The following CDC42BPA variants were observed in gnomAD, a reference collection of about 807,000 sequenced individuals.
The protein encoded by CDC42BPA is CDC42 binding protein kinase alpha.
CDC42BPA carries 80 observed loss-of-function variants against 223.5 expected under a neutral mutation model. That is an observed-to-expected ratio of 0.36 (90% CI 0.30 to 0.43). CDC42BPA has a LOEUF of 0.43. CDC42BPA is among the 20% of genes least tolerant of loss of function. CDC42BPA has a pLI of 1.00. For synonymous variants in CDC42BPA, 694 were observed against 718.6 expected (o/e 0.97, Z 0.55); for missense variants, 1,743 against 2,099.9 (o/e 0.83, Z 3.32).
intron 19 of CDC42BPA, among the ~76,000 whole-genome samples, chr1:227,072,641 A>T (rs1386382718): frequency 6.6e-6 from 1 of 152,030 alleles, no homozygotes; most frequent in Non-Finnish European, 1.5e-5. Flanking sequence ...TAAATTATTA[A>T]ATTTAAAAAT....
At position 227,048,030 on chromosome 1, in the gene CDC42BPA, A is replaced by T. The variant is rs964443317; in HGVS notation, c.3010-20T>A. The T allele has an allele frequency of 1.3e-6, 2 of 1,485,254 alleles. No individual in the cohort carries two copies. Among genetic ancestry groups the T allele is most frequent in the Non-Finnish European group, 1.9e-6 (2 of 1,073,216 alleles). 92.0% of individuals were successfully genotyped at this position (1,485,254 alleles called of 1,614,324 possible). On this transcript the variant is annotated intron_variant, in intron 22 of 36. Transcript: ENST00000366766. ...TACAGTCTGAACCCAGGAGCAAAAA[A>T]GGAAATAAATGTCATGAAACACTCC...
In CDC42BPA at chr1:227,011,904, A is replaced by G. The variant is rs577098214; in HGVS notation, c.4857+4176T>C. Among the ~76,000 whole-genome samples the G allele has an allele frequency of 9.9e-5, 15 of 152,284 alleles. No individual in the cohort carries two copies. The East Asian group carries it at 2.3e-3, about 24-fold the overall frequency. The stretch of plus-strand genomic sequence containing the variant: ...AACATGATCCCTTCATTAGAGGCAG[A>G]GGGTGAATGGCGTGTTGGAGAGAGT... On this transcript the variant is annotated intron_variant, in intron 34 of 36. Coordinates refer to ENST00000366766, the MANE Select transcript of CDC42BPA (RefSeq NM_001394014.1).
intron 6 of CDC42BPA, among the ~76,000 whole-genome samples, chr1:227,160,205 T>C (rs532830912): frequency 6.6e-6 from 1 of 152,326 alleles, no homozygotes; most frequent in East Asian, 1.9e-4. Context: ...GTTTTCTTTT[T>C]CTATGTGAGA....
At position 226,999,913 on chromosome 1, in the gene CDC42BPA, C is replaced by T. The variant is rs1015627593; in HGVS notation, c.4976-4933G>A. 4.4e-5 allele frequency among the ~76,000 whole-genome samples: 6 copies of T among 135,348 alleles called. No individual in the cohort carries two copies. In the South Asian group the frequency reaches 1.4e-3, roughly 31 times the overall value. The allele number at this position is 135,348 out of a possible 152,430, so 88.8% of individuals were successfully genotyped here. A position where few individuals can be genotyped will look rare whatever the true frequency, so the allele number is the denominator to read the frequency against. On this transcript the variant is annotated intron_variant, in intron 35 of 36. Transcript: ENST00000366766. The stretch of plus-strand genomic sequence containing the variant: ...GAGTTGAACAATGAGAATACCCAGA[C>T]ACAGGGAGGGGAATATCACACACTG...
chr1:227,124,574 GGAAA>G lies in CDC42BPA; in HGVS notation c.1513+4531_1513+4534del, dbSNP rs1045268319. Among the ~76,000 whole-genome samples the G allele has an allele frequency of 6.6e-5, 10 of 152,068 alleles. No individual in the cohort carries two copies. The East Asian group carries it at 7.7e-4, about 12-fold the overall frequency. On this transcript the variant is annotated intron_variant, in intron 11 of 36. Transcript: ENST00000366766. ...TTTGTATTTTTTTAAAAAAAGGGAA[GGAAA>G]GAAAGAAAGGGTAGGAAAAAAACAG...
chr1:227,198,147 A>G (rs978432163), intron 4 of CDC42BPA, among the ~76,000 whole-genome samples: 10 of 152,038 alleles, frequency 6.6e-5, no homozygotes, highest in Non-Finnish European at 1.5e-4. Flanking sequence ...TATTCTATTT[A>G]ATCTTTAAAA....
At chr1:227,192,035 G>A (rs1319763222) in intron 5 of CDC42BPA, among the ~76,000 whole-genome samples, 1 of 150,856 alleles carries the variant, frequency 6.6e-6, no homozygotes, top group East Asian at 1.9e-4. Context: ...AATAAAAACT[G>A]TGACAATCAG....
chr1:227,307,794 AATGAACAACAC>A (rs2148794145), intron 1 of CDC42BPA, among the ~76,000 whole-genome samples: 1 of 152,296 alleles, frequency 6.6e-6, no homozygotes, highest in Non-Finnish European at 1.5e-5. Flanking sequence ...AAAAGTCCTA[AATGAACAACAC>A]ATCAATAATT....
At chr1:227,127,095 AT>A in intron 11 of CDC42BPA, among the ~76,000 whole-genome samples, 1 of 152,326 alleles carries the variant, frequency 6.6e-6, no homozygotes, top group South Asian at 2.1e-4. Context: ...AAATAAACAT[AT>A]AAAAATCAAC....
At position 227,029,243 on chromosome 1, in the gene CDC42BPA, A is replaced by AAT; in HGVS notation, c.3844_3845dup (p.Arg1283LeufsTer23). 1 of 1,550,634 alleles carries AAT rather than the reference A, an allele frequency of 6.4e-7. No homozygotes were observed. The highest frequency in any genetic ancestry group is 8.7e-7 in the Non-Finnish European group (1 of 1,143,698). On this transcript the variant is annotated frameshift_variant, in exon 30 of 37. Transcript: ENST00000366766. LOFTEE classifies it high-confidence loss of function. ...GAATCTTCTTATTGTCACCAACTCT[A>AAT]ATAATTTCTAAACACAGAAAGAATA...
chr1:227,019,205 GTTC>G (rs1360997239), intron 32 of CDC42BPA, among the ~76,000 whole-genome samples: 2 of 152,018 alleles, frequency 1.3e-5, no homozygotes, highest in Non-Finnish European at 2.9e-5. Context: ...TTTCAACAAT[GTTC>G]TTAACATCTT....
intron 2 of CDC42BPA, among the ~76,000 whole-genome samples, chr1:227,222,143 G>A (rs1313991096): frequency 1.3e-5 from 2 of 151,838 alleles, no homozygotes; most frequent in Non-Finnish European, 2.9e-5. Flanking sequence ...TGAGATGGGA[G>A]CTTGGTCAAG....
intron 34 of CDC42BPA, among the ~76,000 whole-genome samples, chr1:227,013,711 G>C (rs1330747820): frequency 6.6e-6 from 1 of 151,942 alleles, no homozygotes; most frequent in African/African-American, 2.4e-5. Context: ...TCTTTTCTGT[G>C]TAAAATGAAA....
intron 1 of CDC42BPA, among the ~76,000 whole-genome samples, chr1:227,259,049 A>T (rs1176542431): frequency 6.6e-6 from 1 of 151,142 alleles, no homozygotes; most frequent in African/African-American, 2.5e-5. Context: ...TCATCTAATG[A>T]TAACAATACC....
intron 1 of CDC42BPA, among the ~76,000 whole-genome samples, chr1:227,310,007 G>T (rs1333119251): frequency 6.6e-6 from 1 of 152,028 alleles, no homozygotes. Context: ...TTCAGATTTG[G>T]ATTCTCTCTC....
At chr1:227,024,882 TTTA>T (rs1329670282) in intron 31 of CDC42BPA, among the ~76,000 whole-genome samples, 3 of 152,184 alleles carry the variant, frequency 2.0e-5, no homozygotes, top group African/African-American at 7.2e-5. Flanking sequence ...GAGTGATCAG[TTTA>T]TTATTATCTT....
At chr1:227,216,397 C>T (rs1674858205) in intron 2 of CDC42BPA, among the ~76,000 whole-genome samples, 1 of 152,160 alleles carries the variant, frequency 6.6e-6, no homozygotes. Context: ...GAATGCCATG[C>T]TGCTGCAGGG....
chr1:227,149,862 G>C (rs1220840889), intron 6 of CDC42BPA, among the ~76,000 whole-genome samples: 2 of 152,154 alleles, frequency 1.3e-5, no homozygotes, highest in African/African-American at 4.8e-5. Context: ...AATATCCAAA[G>C]AGACAAAGCT....
chr1:227,114,159 G>A (rs1296611199), intron 12 of CDC42BPA, among the ~76,000 whole-genome samples: 1 of 151,916 alleles, frequency 6.6e-6, no homozygotes, highest in African/African-American at 2.4e-5. Flanking sequence ...AAATGACGCT[G>A]GGTAATACCA....
Sources: allele counts gnomAD v4.1 joint callset (sites outside exome capture counted in the v4.1 genomes callset), GRCh38; gene constraint gnomAD v4.1.1; transcripts MANE v1.5; gene names NCBI Gene and HGNC (gene_info 2026-07-23, HGNC 2026-07-21).